Variants in CACNA2D3 observed in about 807,000 individuals in gnomAD.
CACNA2D3 encodes voltage-dependent calcium channel subunit alpha-2/delta-3.
Under a neutral mutation model 160.6 loss-of-function variants are expected in CACNA2D3, and 60 were observed. The observed-to-expected ratio is 0.37, with a 90% confidence interval of 0.30 to 0.46. The LOEUF (loss-of-function observed/expected upper bound fraction) is 0.46, where lower values mean the gene tolerates loss of function less well. CACNA2D3 is among the 20% of genes least tolerant of loss of function. CACNA2D3 has a pLI of 1.00. For missense variants in CACNA2D3, 1,205 were observed against 1,365.0 expected, an observed-to-expected ratio of 0.88 and a Z score of 1.85; for synonymous variants, 558 against 492.9, an observed-to-expected ratio of 1.13 and a Z score of -1.75.
chr3:54,350,968 G>GGTTTTTTTT (rs1698542647), intron 3 of CACNA2D3, among the ~76,000 whole-genome samples: 2 of 56,106 alleles, frequency 3.6e-5, no homozygotes, highest in Non-Finnish European at 7.0e-5. Flanking sequence ...TCTTGAGTCT[G>GGTTTTTTTT]TTTTTTTTTT....
At chr3:54,126,527 A>G (rs991984672) in intron 2 of CACNA2D3, among the ~76,000 whole-genome samples, 14 of 152,314 alleles carry the variant, frequency 9.2e-5, no homozygotes, top group East Asian at 3.9e-4. Context: ...GATAGCCCCT[A>G]TATTTTTTTC....
chr3:54,600,758 C>A (rs1703045626), intron 9 of CACNA2D3, among the ~76,000 whole-genome samples: 1 of 152,054 alleles, frequency 6.6e-6, no homozygotes. Flanking sequence ...TGCGCTCTGG[C>A]TTCATTATGT....
At chr3:54,819,843 C>CA (rs1217745528) in intron 14 of CACNA2D3, among the ~76,000 whole-genome samples, 1 of 152,004 alleles carries the variant, frequency 6.6e-6, no homozygotes, top group Non-Finnish European at 1.5e-5. Flanking sequence ...GACTCCACCT[C>CA]AAAAAACACA....
chr3:54,183,174 G>C (rs60911560), intron 2 of CACNA2D3, among the ~76,000 whole-genome samples: 3,434 of 150,936 alleles, frequency 0.023, 207 homozygotes, highest in East Asian at 0.17. Context: ...GGTTAAGAAA[G>C]TGGAATTGAG....
chr3:54,408,531 C>T (rs984431590), intron 4 of CACNA2D3, among the ~76,000 whole-genome samples: 2 of 152,062 alleles, frequency 1.3e-5, no homozygotes, highest in Non-Finnish European at 2.9e-5. Context: ...TAACTATTAC[C>T]GAAAAAGTAA....
chr3:54,648,656 G>A (rs764499237), intron 11 of CACNA2D3, among the ~76,000 whole-genome samples: 23 of 152,294 alleles, frequency 1.5e-4, no homozygotes, highest in Non-Finnish European at 2.2e-4. Flanking sequence ...GAACACCTGC[G>A]GTTGGGTAAT....
intron 20 of CACNA2D3, 131 bp from the exon 21 acceptor site, chr3:54,880,665 A>C: frequency 1.2e-6 from 1 of 823,768 alleles, no homozygotes; most frequent in East Asian, 2.4e-5. Context: ...TTTTGAAAGT[A>C]AACAGTTGGA....
rs58956795 is a variant in CACNA2D3, at chr3:54,183,892, GAAAAAAAAAAAAAA to G, written c.204+60313_204+60326del. 1.0e-3 allele frequency among the ~76,000 whole-genome samples: 83 copies of G among 80,808 alleles called. 2 individuals are homozygous for G. In the East Asian group the frequency reaches 0.032, roughly 31 times the overall value. 53.0% of individuals were successfully genotyped at this position (80,808 alleles called of 152,430 possible). A position where few individuals can be genotyped will look rare whatever the true frequency, so the allele number is the denominator to read the frequency against. On this transcript the variant is annotated intron_variant, in intron 2 of 37. Transcript: ENST00000474759. ...AAAAGCGAAACTCCGTCTCAAAAAA[GAAAAAAAAAAAAAA>G]AAAAAAAAAAAAAAGAAGAGCCTTA...
chr3:54,323,086 T>C (rs2107510405), intron 3 of CACNA2D3, among the ~76,000 whole-genome samples: 1 of 152,252 alleles, frequency 6.6e-6, no homozygotes, highest in South Asian at 2.1e-4. Context: ...AGGGGTTTAG[T>C]CTGGGGATGG....
Position 54,597,037 on chromosome 3 carries a change from G to GCT in CACNA2D3, c.963+15164_963+15165dup, listed in dbSNP as rs1702967894. Among the ~76,000 whole-genome samples, 5 of 152,076 alleles carry GCT rather than the reference G, an allele frequency of 3.3e-5. No homozygotes were observed. The South Asian group carries it at 1.0e-3, about 31-fold the overall frequency. Reference sequence around the variant, plus strand: ...TCCACGGCACACAGCATAGGGTCAGGCTCTCCATAGATAGCATTGAATGAA... The same window carrying GCT: ...TCCACGGCACACAGCATAGGGTCAGGCTCTCTCCATAGATAGCATTGAATGAA... On this transcript the variant is annotated intron_variant, in intron 9 of 37. Coordinates refer to ENST00000474759, the MANE Select transcript of CACNA2D3 (RefSeq NM_018398.3).
At chr3:54,177,384 G>T (rs1345629698) in intron 2 of CACNA2D3, among the ~76,000 whole-genome samples, 3 of 152,132 alleles carry the variant, frequency 2.0e-5, no homozygotes, top group African/African-American at 7.2e-5. Flanking sequence ...AGTTTCCTCA[G>T]TTTCACTCCT....
At chr3:54,783,086 C>A (rs1702564959) in intron 13 of CACNA2D3, among the ~76,000 whole-genome samples, 1 of 152,158 alleles carries the variant, frequency 6.6e-6, no homozygotes, top group Non-Finnish European at 1.5e-5. Flanking sequence ...GGAATTCAAC[C>A]TTGGGTCTTC....
At chr3:54,402,160 CT>C (rs1699479599) in intron 4 of CACNA2D3, among the ~76,000 whole-genome samples, 2 of 151,768 alleles carry the variant, frequency 1.3e-5, no homozygotes, top group Non-Finnish European at 2.9e-5. Context: ...AGAATAAAAA[CT>C]TAGCACTACA....
chr3:54,743,907 C>T (rs771395139), intron 11 of CACNA2D3, among the ~76,000 whole-genome samples: 2 of 152,128 alleles, frequency 1.3e-5, no homozygotes, highest in Non-Finnish European at 2.9e-5. Context: ...ATGGTATTGG[C>T]CAATCAACAA....
At chr3:55,067,832 C>G (rs1036361431) in intron 35 of CACNA2D3, among the ~76,000 whole-genome samples, 2 of 152,114 alleles carry the variant, frequency 1.3e-5, no homozygotes, top group Non-Finnish European at 2.9e-5. Flanking sequence ...CAACTACTTA[C>G]CAGGCAAGTA....
At chr3:54,984,308 A>G (rs1390960449) in intron 29 of CACNA2D3, among the ~76,000 whole-genome samples, 2 of 151,622 alleles carry the variant, frequency 1.3e-5, no homozygotes, top group Non-Finnish European at 2.9e-5. Context: ...ATATAAAGAA[A>G]AAAAAAAAGG....
At chr3:54,192,620 A>T (rs1701003435) in intron 2 of CACNA2D3, among the ~76,000 whole-genome samples, 1 of 152,028 alleles carries the variant, frequency 6.6e-6, no homozygotes, top group Admixed American at 6.5e-5. Context: ...GGGAATGAGC[A>T]CGAGAGCCAT....
intron 35 of CACNA2D3, among the ~76,000 whole-genome samples, chr3:55,024,748 A>G (rs751295857): frequency 4.6e-5 from 7 of 152,244 alleles, no homozygotes; most frequent in Non-Finnish European, 7.3e-5. Flanking sequence ...AACACCAAAT[A>G]TATAAAAAGT....
intron 11 of CACNA2D3, among the ~76,000 whole-genome samples, chr3:54,693,836 A>G (rs1700609628): frequency 6.6e-6 from 1 of 152,204 alleles, no homozygotes; most frequent in African/African-American, 2.4e-5. Flanking sequence ...AAAAGCTAAT[A>G]AAGATATAAA....
Sources: gnomAD v4.1 joint callset for allele counts (sites outside exome capture counted in the v4.1 genomes callset) on GRCh38, gnomAD v4.1.1 for gene constraint, MANE v1.5 for transcripts, NCBI Gene and HGNC (gene_info 2026-07-23, HGNC 2026-07-21) for gene names.